Variants in RPS6KL1 observed in about 807,000 individuals in gnomAD.
The protein encoded by RPS6KL1 is ribosomal protein S6 kinase like 1.
A neutral mutation model predicts 57.0 loss-of-function variants in RPS6KL1; 41 were observed. The observed-to-expected ratio is 0.72, with a 90% CI of 0.56 to 0.93. The LOEUF (loss-of-function observed/expected upper bound fraction) is 0.93, where lower values mean the gene tolerates loss of function less well. RPS6KL1 is among the 40% of genes least tolerant of loss of function. The pLI, the probability that RPS6KL1 is intolerant of heterozygous loss-of-function variation, is 0.00. For missense variants in RPS6KL1, 697 were observed against 727.7 expected, an observed-to-expected ratio of 0.96 and a Z score of 0.49; for synonymous variants, 287 against 309.7, an observed-to-expected ratio of 0.93 and a Z score of 0.77.
chr14:74,921,206 A>T, intron 3 of RPS6KL1, 71 bp downstream of exon 3: 1 of 1,366,954 alleles, frequency 7.3e-7, no homozygotes, highest in Non-Finnish European at 1.0e-6. Flanking sequence ...GACAAGACAG[A>T]TGGGTGACAG....
rs1379265261 is a variant in RPS6KL1 at position 74,909,115 on chromosome 14, A to G, written c.1346T>C (p.Leu449Pro). The G allele has an allele frequency of 1.2e-6, 2 of 1,614,032 alleles. No homozygotes were observed. The highest frequency in any genetic ancestry group is 1.7e-6 in the Non-Finnish European group (2 of 1,180,040). The part of the protein sequence containing the change: ...PQCCGEAVDN[L>P]YSAPEVGGIS... ...CCCCTTCTTGCCTGGGGCGCTGTAG[A>G]GATTGTCCACGGCCTCCCCGCAGCA... Residue 449 changes from leucine to proline, a missense_variant, in exon 9 of 12, where the codon CTC becomes CCC. Coordinates refer to ENST00000557413, the MANE Select transcript of RPS6KL1 (RefSeq NM_031464.5).
At chr14:74,913,999 G>A (rs931296427) in intron 5 of RPS6KL1, among the ~76,000 whole-genome samples, 6 of 152,362 alleles carry the variant, frequency 3.9e-5, no homozygotes, top group African/African-American at 1.4e-4. Context: ...AACCCAGACA[G>A]GCTGATCCCG....
At position 74,919,938 on chromosome 14, in the gene RPS6KL1, C is replaced by T; in HGVS notation, c.297G>A (p.Val99=). The change falls in exon 4 of 12, where the codon GTG becomes GTA. Residue 99 remains valine, a synonymous_variant. Coordinates refer to ENST00000557413, the MANE Select transcript of RPS6KL1 (RefSeq NM_031464.5). The part of the protein sequence containing the change: ...VDPNKERREA[V]KLKITKYLRR... ...GCAGGTATTTGGTAATTTTCAGCTT[C>T]ACAGCCTCACGTCGCTCCTTGTTGG... is the stretch of plus-strand genomic sequence containing the variant. The T allele has an allele frequency of 6.2e-7, 1 of 1,614,200 alleles. No homozygotes were observed. Among genetic ancestry groups the T allele is most frequent in the Non-Finnish European group, 8.5e-7 (1 of 1,180,038 alleles).
At chr14:74,913,039 C>G (rs896177221) in intron 5 of RPS6KL1, among the ~76,000 whole-genome samples, 4 of 152,320 alleles carry the variant, frequency 2.6e-5, no homozygotes, top group Non-Finnish European at 5.9e-5. Context: ...GCCTGCCCTG[C>G]GGACATTCCC....
Position 74,906,208 on chromosome 14 carries a change from C to A in RPS6KL1, c.*806G>T, listed in dbSNP as rs1054855948. On this transcript the variant is annotated 3_prime_UTR_variant, in exon 12 of 12. Transcript: ENST00000557413. The stretch of plus-strand genomic sequence containing the variant: ...GGCCTGGAAGCTGAATTGCTGTCCT[C>A]TTGCACCCCTGGGGCAGGCTGCCCC... 1 of 279,994 alleles carries A rather than the reference C, an allele frequency of 3.6e-6. No homozygotes were observed. 17.3% of individuals were successfully genotyped at this position (279,994 alleles called of 1,614,324 possible).
intron 5 of RPS6KL1, among the ~76,000 whole-genome samples, chr14:74,914,643 C>T (rs1453696363): frequency 6.6e-6 from 1 of 152,218 alleles, no homozygotes; most frequent in Non-Finnish European, 1.5e-5. Context: ...ATTCATCCAA[C>T]CAAACAAGAA....
chr14:74,910,341 T>A (rs918012391), intron 7 of RPS6KL1, 193 bp from the exon 8 acceptor site: 12 of 461,878 alleles, frequency 2.6e-5, no homozygotes, highest in African/African-American at 1.2e-4. Flanking sequence ...GCCCTCCTCT[T>A]GACCCAACTA....
chr14:74,911,732 T>C, intron 6 of RPS6KL1, 62 bp downstream of exon 6: 1 of 1,475,580 alleles, frequency 6.8e-7, no homozygotes, highest in Non-Finnish European at 9.3e-7. Flanking sequence ...GGTAGGAGTT[T>C]CCAAGAGCCC....
At position 74,919,833 on chromosome 14, in the gene RPS6KL1, G is replaced by GGT; in HGVS notation, c.390+11_390+12insAC. The GGT allele has an allele frequency of 6.2e-7, 1 of 1,611,266 alleles. No homozygotes were observed. Among genetic ancestry groups the GGT allele is most frequent in the Non-Finnish European group, 8.5e-7 (1 of 1,179,632 alleles). On this transcript the variant is annotated intron_variant, in intron 4 of 11. Transcript: ENST00000557413. ...TCCCGCTCAGGCCTTTGGGTGGGGG[G>GGT]GGTCTCCTCACCGCGCTGGGGCTGG...
At chr14:74,916,928 T>A (rs1886946311) in intron 5 of RPS6KL1, among the ~76,000 whole-genome samples, 1 of 152,214 alleles carries the variant, frequency 6.6e-6, no homozygotes, top group Admixed American at 6.5e-5. Context: ...CACCTATGGT[T>A]CAGCGGGATC....
At chr14:74,911,013 A>G (rs553817836) in intron 7 of RPS6KL1, 17 of 422,522 alleles carry the variant, frequency 4.0e-5, no homozygotes, top group African/African-American at 3.2e-4. Flanking sequence ...CTGGGATTAC[A>G]GGCACGTGCA....
rs771458195 is a variant in RPS6KL1 at position 74,910,136 on chromosome 14, CAG to C, written c.675_676del (p.Trp226ValfsTer56). On this transcript the variant is annotated frameshift_variant, in exon 8 of 12. Transcript: ENST00000557413. LOFTEE classifies it high-confidence loss of function. Reference sequence around the variant, plus strand: ...GTGCGCCTGGGAGAGCAGGTGGGACCAGAGAGTGCCTCCTGGGCCATGCAGAG... The same window carrying C: ...GTGCGCCTGGGAGAGCAGGTGGGACCAGAGTGCCTCCTGGGCCATGCAGAG... The C allele has an allele frequency of 2.1e-5, 32 of 1,545,236 alleles. No individual in the cohort carries two copies. The highest frequency in any genetic ancestry group is 2.7e-5 in the African/African-American group (2 of 73,664).
rs537079155 is a variant in RPS6KL1, at chr14:74,906,409, T to TGGGGGG, written c.*599_*604dup. On this transcript the variant is annotated 3_prime_UTR_variant, in exon 12 of 12. Transcript: ENST00000557413. ...AGGGGGCATGGTCAGGAATCGGGGGTGGGGGGGTGGGGGTGGGGGTCATCC... is the reference window on the plus strand; with the variant it reads ...AGGGGGCATGGTCAGGAATCGGGGGTGGGGGGGGGGGGGTGGGGGTGGGGGTCATCC... 2.0e-3 allele frequency: 318 copies of TGGGGGG among 161,624 alleles called. 1 individual carries two copies. Among genetic ancestry groups the TGGGGGG allele is most frequent in the African/African-American group, 0.019 (288 of 15,472 alleles). 10.0% of individuals were successfully genotyped at this position (161,624 alleles called of 1,614,324 possible). A position where few individuals can be genotyped will look rare whatever the true frequency, so the allele number is the denominator to read the frequency against.
At chr14:74,910,999 G>A in intron 7 of RPS6KL1, 1 of 396,286 alleles carries the variant, frequency 2.5e-6, no homozygotes, top group South Asian at 2.2e-5. Context: ...CACCTCCCAA[G>A]TAGCTGGGAT....
At position 74,911,400 on chromosome 14, in the gene RPS6KL1, C is replaced by T. The variant is rs1305334713; in HGVS notation, c.532-20G>A. 1 of 1,597,028 alleles carries T rather than the reference C, an allele frequency of 6.3e-7. No homozygotes were observed. The highest frequency in any genetic ancestry group is 1.7e-5 in the Admixed American group (1 of 59,916). On this transcript the variant is annotated intron_variant, in intron 6 of 11. Transcript: ENST00000557413. The stretch of plus-strand genomic sequence containing the variant: ...TAGGCTCTGGGAGCAGCAGGGCAGG[C>T]AGATCAGCCGGGGACAGGCCAGAGA...
chr14:74,909,804 A>G lies in RPS6KL1; in HGVS notation c.1009T>C (p.Ser337Pro). 6.2e-7 allele frequency: 1 copy of G among 1,606,502 alleles called. No individual in the cohort carries two copies. The highest frequency in any genetic ancestry group is 8.5e-7 in the Non-Finnish European group (1 of 1,176,150). ...AGCCCCCGAGGGGGCCCAGCGTCTG[A>G]GTTCTGGCCAGCCCTCCTAGCTTGA... is the stretch of plus-strand genomic sequence containing the variant. The part of the protein sequence containing the change: ...HLQARRAGQN[S>P]DAGPPRGLTW... Residue 337 changes from serine to proline, a missense_variant, in exon 8 of 12, where the codon TCA (serine) becomes CCA (proline). Transcript: ENST00000557413.
intron 7 of RPS6KL1, chr14:74,911,029 A>G (rs1342347560): frequency 2.2e-6 from 1 of 464,174 alleles, no homozygotes. Flanking sequence ...GTGCAAGCAC[A>G]CCTGGCTAGT....
At chr14:74,921,774 T>TTTA in intron 2 of RPS6KL1, 26 of 1,257,438 alleles carry the variant, frequency 2.1e-5, no homozygotes, top group Non-Finnish European at 2.6e-5. Flanking sequence ...TCTGTTTTCT[T>TTTA]TTCTTTTTTT....
At chr14:74,907,775 T>C (rs531222954) in intron 10 of RPS6KL1, among the ~76,000 whole-genome samples, 9 of 152,336 alleles carry the variant, frequency 5.9e-5, no homozygotes, top group Admixed American at 4.6e-4. Context: ...CCTAGGTCTC[T>C]TGGCTCCAAG....
Sources: gnomAD v4.1 joint callset for allele counts (sites outside exome capture counted in the v4.1 genomes callset) on GRCh38, gnomAD v4.1.1 for gene constraint, MANE v1.5 for transcripts, NCBI Gene and HGNC (gene_info 2026-07-23, HGNC 2026-07-21) for gene names.